The following GALNTL6 variants were observed in gnomAD, a reference collection of about 807,000 sequenced individuals.
GALNTL6 encodes polypeptide N-acetylgalactosaminyltransferase-like 6.
A neutral mutation model predicts 73.7 loss-of-function variants in GALNTL6; 46 were observed. The observed-to-expected ratio is 0.62, with a 90% CI of 0.49 to 0.80. The LOEUF (loss-of-function observed/expected upper bound fraction) is 0.80. GALNTL6 is among the 30% of genes least tolerant of loss of function. The probability of loss-of-function intolerance (pLI) is 0.00; values close to 1 mark genes in which losing one functional copy is unlikely to be tolerated. For missense variants in GALNTL6, 604 were observed against 755.0 expected (o/e 0.80, Z 2.34); for synonymous variants, 259 against 263.7 (o/e 0.98, Z 0.17).
At chr4:172,450,706 T>C (rs1732179307) in intron 5 of GALNTL6, among the ~76,000 whole-genome samples, 1 of 152,240 alleles carries the variant, frequency 6.6e-6, no homozygotes, top group South Asian at 2.1e-4. Flanking sequence ...ACTGGCTTCC[T>C]TTTTGTCTTT....
At chr4:173,026,072 T>A (rs1753217558) in intron 12 of GALNTL6, among the ~76,000 whole-genome samples, 1 of 152,210 alleles carries the variant, frequency 6.6e-6, no homozygotes. Flanking sequence ...CATGCCCTTT[T>A]CATTTTAAGT....
intron 2 of GALNTL6, among the ~76,000 whole-genome samples, chr4:172,162,803 T>A (rs917867121): frequency 7.9e-5 from 12 of 152,038 alleles, no homozygotes; most frequent in African/African-American, 2.9e-4. Flanking sequence ...CAAAAGGAAT[T>A]AGTAAATATT....
chr4:171,846,476 G>A (rs1191203793), intron 2 of GALNTL6, among the ~76,000 whole-genome samples: 1 of 152,094 alleles, frequency 6.6e-6, no homozygotes, highest in East Asian at 1.9e-4. Flanking sequence ...CCTGCGCTGG[G>A]GCTCGTTGGC....
Position 172,856,537 on chromosome 4 carries a change from G to A in GALNTL6, c.924-26253G>A, listed in dbSNP as rs17058976. Among the ~76,000 whole-genome samples the A allele has an allele frequency of 2.4e-3, 369 of 152,208 alleles. 2 individuals carry two copies. Among genetic ancestry groups the A allele is most frequent in the African/African-American group, 8.5e-3 (355 of 41,544 alleles). ...CAAGAAGTCAGGGCCATAATTGCAC[G>A]GCAGGACCATTATTGTTTGTTGCTG... On this transcript the variant is annotated intron_variant, in intron 7 of 12. Coordinates refer to ENST00000506823, the MANE Select transcript of GALNTL6 (RefSeq NM_001034845.3).
chr4:172,115,468 T>C (rs563899702), intron 2 of GALNTL6, among the ~76,000 whole-genome samples: 2 of 152,286 alleles, frequency 1.3e-5, no homozygotes, highest in South Asian at 2.1e-4. Flanking sequence ...CTTAATCTTC[T>C]TCCATTTTTC....
intron 2 of GALNTL6, among the ~76,000 whole-genome samples, chr4:172,156,504 A>G (rs1734267249): frequency 7.0e-6 from 1 of 142,070 alleles, no homozygotes; most frequent in Non-Finnish European, 1.5e-5. Context: ...TTTTCCACCT[A>G]GGCAGATATT....
intron 4 of GALNTL6, among the ~76,000 whole-genome samples, chr4:172,338,511 T>C (rs1364495450): frequency 6.6e-6 from 1 of 152,092 alleles, no homozygotes; most frequent in African/African-American, 2.4e-5. Flanking sequence ...GTAGAGAATG[T>C]TGGATAGGGT....
chr4:172,814,243 C>T (rs1741475322), intron 7 of GALNTL6, among the ~76,000 whole-genome samples: 1 of 152,098 alleles, frequency 6.6e-6, no homozygotes, highest in Non-Finnish European at 1.5e-5. Context: ...AGTGATATAC[C>T]CAGAGTCAAT....
intron 5 of GALNTL6, among the ~76,000 whole-genome samples, chr4:172,500,823 G>T (rs569972477): frequency 6.6e-6 from 1 of 152,090 alleles, no homozygotes; most frequent in Non-Finnish European, 1.5e-5. Flanking sequence ...CATATTTGAC[G>T]GTTGAAGCAA....
intron 2 of GALNTL6, among the ~76,000 whole-genome samples, chr4:172,164,387 A>T (rs1734559764): frequency 6.6e-6 from 1 of 152,040 alleles, no homozygotes; most frequent in South Asian, 2.1e-4. Context: ...AAATAGAAAT[A>T]ACTGTAAATT....
At chr4:172,359,633 C>A (rs767529059) in intron 5 of GALNTL6, among the ~76,000 whole-genome samples, 5 of 152,130 alleles carry the variant, frequency 3.3e-5, no homozygotes, top group Non-Finnish European at 7.4e-5. Context: ...AGCTTAGATT[C>A]CCTTAAAACT....
intron 5 of GALNTL6, among the ~76,000 whole-genome samples, chr4:172,377,910 C>A (rs186883878): frequency 6.6e-6 from 1 of 151,962 alleles, no homozygotes; most frequent in East Asian, 1.9e-4. Context: ...ATCCCCCCCC[C>A]CATGCCTCTT....
chr4:172,498,981 C>G (rs1216618924), intron 5 of GALNTL6, among the ~76,000 whole-genome samples: 1 of 152,180 alleles, frequency 6.6e-6, no homozygotes, highest in Non-Finnish European at 1.5e-5. Flanking sequence ...CTTACTTAGT[C>G]TGGCATAAAT....
In GALNTL6 at chr4:172,377,531, C is replaced by T. The variant is rs150278976; in HGVS notation, c.553+28842C>T. ...AGCTGCCCACCAGTCCCACTCAGTG[C>T]GCCCGCAGTCCTCAGCCCTTGGGCA... is the stretch of plus-strand genomic sequence containing the variant. On this transcript the variant is annotated intron_variant, in intron 5 of 12. Coordinates refer to ENST00000506823, the MANE Select transcript of GALNTL6 (RefSeq NM_001034845.3). 3.1e-3 allele frequency among the ~76,000 whole-genome samples: 472 copies of T among 152,340 alleles called. 5 individuals are homozygous for T. The highest frequency in any genetic ancestry group is 0.01 in the African/African-American group (431 of 41,592).
intron 2 of GALNTL6, among the ~76,000 whole-genome samples, chr4:171,885,106 A>T (rs540754337): frequency 1.7e-3 from 254 of 152,000 alleles, no homozygotes; most frequent in African/African-American, 5.8e-3. Context: ...GTGTAAAATT[A>T]AAATACAGAT....
intron 5 of GALNTL6, among the ~76,000 whole-genome samples, chr4:172,586,219 G>A (rs1737402907): frequency 6.6e-6 from 1 of 152,080 alleles, no homozygotes; most frequent in Non-Finnish European, 1.5e-5. Flanking sequence ...ACATATTAAA[G>A]GAATTAATAA....
chr4:172,414,747 C>G (rs947142723), intron 5 of GALNTL6, among the ~76,000 whole-genome samples: 1 of 152,162 alleles, frequency 6.6e-6, no homozygotes, highest in African/African-American at 2.4e-5. Flanking sequence ...GAGGCTATCT[C>G]AAAGCACTCA....
intron 5 of GALNTL6, among the ~76,000 whole-genome samples, chr4:172,633,337 A>G (rs753961177): frequency 6.6e-6 from 1 of 152,226 alleles, no homozygotes; most frequent in Non-Finnish European, 1.5e-5. Context: ...CACCTCTTGC[A>G]TCAGTATGAC....
At chr4:172,905,836 A>G (rs1409180315) in intron 8 of GALNTL6, among the ~76,000 whole-genome samples, 90 of 135,116 alleles carry the variant, frequency 6.7e-4, no homozygotes, top group Non-Finnish European at 1.2e-3. Flanking sequence ...AAAAAAAAAA[A>G]GGAGAACAAG....
Sources: gnomAD v4.1 joint callset for allele counts (sites outside exome capture counted in the v4.1 genomes callset) on GRCh38, gnomAD v4.1.1 for gene constraint, MANE v1.5 for transcripts, NCBI Gene and HGNC (gene_info 2026-07-23, HGNC 2026-07-21) for gene names.